The following KIAA1549 variants were observed in gnomAD, a reference collection of about 807,000 sequenced individuals.
The protein encoded by KIAA1549 is UPF0606 protein KIAA1549.
A neutral mutation model predicts 156.4 loss-of-function variants in KIAA1549; 70 were observed. The ratio of observed to expected loss-of-function variants is 0.45; its 90% CI spans 0.37 to 0.55. KIAA1549 has a LOEUF of 0.55. Ranked by LOEUF, KIAA1549 falls within the 20% of genes least tolerant of loss-of-function variation. The pLI is 0.00. For missense variants in KIAA1549, 2,428 were observed against 2,540.9 expected, an observed-to-expected ratio of 0.96 and a Z score of 0.96; for synonymous variants, 1,103 against 1,066.4, an observed-to-expected ratio of 1.03 and a Z score of -0.67.
At chr7:138,922,721 C>G (rs1186647562) in intron 1 of KIAA1549, among the ~76,000 whole-genome samples, 1 of 151,256 alleles carries the variant, frequency 6.6e-6, no homozygotes, top group Non-Finnish European at 1.5e-5. Context: ...GAAGAAATTA[C>G]TCAGAAAAGG....
chr7:138,861,571 G>C, intron 15 of KIAA1549, 115 bp from the exon 16 acceptor site: 2 of 901,624 alleles, frequency 2.2e-6, no homozygotes, highest in Non-Finnish European at 1.7e-6. Context: ...TGACAGTTGA[G>C]GCTGTGCACA....
At position 138,840,119 on chromosome 7, in the gene KIAA1549, C is replaced by A; in HGVS notation, c.5598+14G>T. ...TCTAAATTTTAAATGATGACCCAAACAGGAGATACTCACGGCCTCTCTTCG... is the reference window on the plus strand; with the variant it reads ...TCTAAATTTTAAATGATGACCCAAAAAGGAGATACTCACGGCCTCTCTTCG... On this transcript the variant is annotated intron_variant, in intron 19 of 19. Coordinates refer to ENST00000422774, the MANE Select transcript of KIAA1549 (RefSeq NM_001164665.2). The A allele has an allele frequency of 1.3e-6, 2 of 1,548,444 alleles. No individual in the cohort carries two copies. The highest frequency in any genetic ancestry group is 2.4e-5 in the South Asian group (2 of 83,386).
chr7:138,928,238 T>C (rs1198429476), intron 1 of KIAA1549, among the ~76,000 whole-genome samples: 1 of 151,890 alleles, frequency 6.6e-6, no homozygotes, highest in Non-Finnish European at 1.5e-5. Flanking sequence ...GTCTTTTCAA[T>C]CCTACTGCCC....
chr7:138,841,060 T>C (rs1809901825), intron 18 of KIAA1549, among the ~76,000 whole-genome samples: 1 of 152,132 alleles, frequency 6.6e-6, no homozygotes, highest in Admixed American at 6.5e-5. Flanking sequence ...GGCTAGACAT[T>C]AGGACTGGGG....
In KIAA1549 at chr7:138,889,782, C is replaced by T. The variant is rs529579148; in HGVS notation, c.4032+4560G>A. Among the ~76,000 whole-genome samples the T allele has an allele frequency of 1.1e-4, 17 of 151,672 alleles. No homozygotes were observed. The South Asian group carries it at 2.1e-3, about 19-fold the overall frequency. On this transcript the variant is annotated intron_variant, in intron 10 of 19. Transcript: ENST00000422774. The stretch of plus-strand genomic sequence containing the variant: ...ATAGAAATTTGGCAACCAGTCTGTG[C>T]GTATTATGCACAAAACAAAAGCCAT...
intron 1 of KIAA1549, among the ~76,000 whole-genome samples, chr7:138,973,658 TTTTTG>T (rs1209316841): frequency 1.3e-5 from 2 of 152,232 alleles, no homozygotes; most frequent in African/African-American, 4.8e-5. Context: ...ACAAGCTTTT[TTTTTG>T]TTTTAAGTTC....
chr7:138,872,379 T>C (rs528824892), intron 12 of KIAA1549, among the ~76,000 whole-genome samples: 288 of 148,454 alleles, frequency 1.9e-3, no homozygotes, highest in Non-Finnish European at 3.6e-3. Context: ...AAAAAAGAAA[T>C]TCAAATGCAC....
chr7:138,884,068 A>T (rs888300782), intron 10 of KIAA1549, among the ~76,000 whole-genome samples: 5 of 152,184 alleles, frequency 3.3e-5, no homozygotes, highest in African/African-American at 4.8e-5. Flanking sequence ...CTGAAGGTTA[A>T]GTTGATCACC....
rs1329946443 is a variant in KIAA1549, at chr7:138,837,930, GCT to G, written c.5827_5828del (p.Ser1943HisfsTer75). ...EELLRLSQKQ[S>X]TVQNFHS Reference sequence around the variant, plus strand: ...ATCAGCTGTGGAAGTTCTGCACGGTGCTCTGTTTCTGGGAGAGCCGGAGGAGC... The same window carrying G: ...ATCAGCTGTGGAAGTTCTGCACGGTGCTGTTTCTGGGAGAGCCGGAGGAGC... On this transcript the variant is annotated frameshift_variant, in exon 20 of 20. Coordinates refer to ENST00000422774, the MANE Select transcript of KIAA1549 (RefSeq NM_001164665.2). LOFTEE classifies it high-confidence loss of function. The G allele has an allele frequency of 6.2e-7, 1 of 1,613,830 alleles. No individual in the cohort carries two copies.
rs750323376 is a variant in KIAA1549 at position 138,861,291 on chromosome 7, C to T, written c.5095G>A (p.Ala1699Thr). Residue 1699 changes from alanine (A) to threonine (T), a missense_variant, in exon 16 of 20, where the codon GCC becomes ACC. By Grantham distance (58) the Ala-to-Thr change is moderately conservative. Coordinates refer to ENST00000422774, the MANE Select transcript of KIAA1549 (RefSeq NM_001164665.2). ...SLLDDAFALV[A>T]PSSQPASTAG... ...GTGCTGGCAGGCTGGCTGCTGGGGG[C>T]CACGAGGGCAAAGGCGTCGTCCAGG... 1.9e-6 allele frequency: 3 copies of T among 1,608,052 alleles called. No individual in the cohort carries two copies. The highest frequency in any genetic ancestry group is 3.4e-5 in the Admixed American group (2 of 58,164).
rs80222245 is a variant in KIAA1549, at chr7:138,918,695, G to C, written c.931C>G (p.Pro311Ala). 2 of 1,613,706 alleles carry C rather than the reference G, an allele frequency of 1.2e-6. No homozygotes were observed. Among genetic ancestry groups the C allele is most frequent in the Admixed American group, 1.7e-5 (1 of 60,002 alleles). Residue 311 changes from proline to alanine, a missense_variant, in exon 2 of 20, where the codon CCA becomes GCA. Coordinates refer to ENST00000422774, the MANE Select transcript of KIAA1549 (RefSeq NM_001164665.2). This position sits in a 1 kb window ranked among gnomAD's most constrained non-coding sequence, Gnocchi z 4.2. ...GCACTTGTGGCCCAAACCTCCTCTG[G>C]AGGCTGTGAGACCTCCCCCAAGGAG... ...LPSLGEVSQP[P>A]EEVWATSADR...
rs896482540 is a variant in KIAA1549, at chr7:138,833,216, CCT to C, written c.*4688_*4689del. 4 of 232,630 alleles carry C rather than the reference CCT, an allele frequency of 1.7e-5. No homozygotes were observed. Among genetic ancestry groups the C allele is most frequent in the Admixed American group, 1.7e-4 (3 of 17,744 alleles). The allele number at this position is 232,630 out of a possible 1,614,324, so 14.4% of individuals were successfully genotyped here. A position where few individuals can be genotyped will look rare whatever the true frequency, so the allele number is the denominator to read the frequency against. On this transcript the variant is annotated 3_prime_UTR_variant, in exon 20 of 20. Coordinates refer to ENST00000422774, the MANE Select transcript of KIAA1549 (RefSeq NM_001164665.2). The stretch of plus-strand genomic sequence containing the variant: ...GAGTTAAGACCGGAGTCCTCCTTCC[CCT>C]GTGCCCAAAACGTTACCCAGCTTTC...
intron 1 of KIAA1549, among the ~76,000 whole-genome samples, chr7:138,953,154 G>A (rs199634993): frequency 1.3e-5 from 2 of 152,262 alleles, no homozygotes; most frequent in East Asian, 1.9e-4. Flanking sequence ...CCAGAAGTTC[G>A]AGACCAGCCT....
chr7:138,890,218 T>C (rs1481087675), intron 10 of KIAA1549, among the ~76,000 whole-genome samples: 1 of 152,132 alleles, frequency 6.6e-6, no homozygotes, highest in African/African-American at 2.4e-5. Context: ...AGACGCCTGA[T>C]GAATGTGAAC....
At chr7:138,915,948 C>G (rs1218557214) in intron 2 of KIAA1549, among the ~76,000 whole-genome samples, 1 of 152,262 alleles carries the variant, frequency 6.6e-6, no homozygotes, top group Non-Finnish European at 1.5e-5. Flanking sequence ...TGGGCACCAG[C>G]TTCACGCGGC....
At position 138,919,038 on chromosome 7, in the gene KIAA1549, T is replaced by C. The variant is rs1257935973; in HGVS notation, c.588A>G (p.Pro196=). The C allele has an allele frequency of 4.3e-6, 7 of 1,613,892 alleles. No homozygotes were observed. Among genetic ancestry groups the C allele is most frequent in the East Asian group, 2.2e-5 (1 of 44,894 alleles). Residue 196 remains proline, a synonymous_variant, in exon 2 of 20, where the codon CCA becomes CCG. Coordinates refer to ENST00000422774, the MANE Select transcript of KIAA1549 (RefSeq NM_001164665.2). ...PREALEPMLT[P]SLPMVSLQDE... is the part of the protein sequence containing the mutation. The stretch of plus-strand genomic sequence containing the variant: ...CTTGTAAAGAAACCATGGGTAATGA[T>C]GGAGTGAGCATAGGTTCTAATGCTT...
chr7:138,919,015 T>C lies in KIAA1549; in HGVS notation c.611A>G (p.Gln204Arg), dbSNP rs1315365898. The change falls in exon 2 of 20, where the codon CAA (glutamine) becomes CGA (arginine). Residue 204 changes from glutamine to arginine, a missense_variant. Coordinates refer to ENST00000422774, the MANE Select transcript of KIAA1549 (RefSeq NM_001164665.2). ...LTPSLPMVSL[Q>R]DEEVTSGWQN... ...CCAGCCCGATGTCACTTCTTCATCT[T>C]GTAAAGAAACCATGGGTAATGATGG... 2 of 1,614,024 alleles carry C rather than the reference T, an allele frequency of 1.2e-6. No individual in the cohort carries two copies. Among genetic ancestry groups the C allele is most frequent in the South Asian group, 1.1e-5 (1 of 91,082 alleles).
chr7:138,892,542 T>C (rs1018999481), intron 10 of KIAA1549, among the ~76,000 whole-genome samples: 27 of 152,158 alleles, frequency 1.8e-4, no homozygotes, highest in Non-Finnish European at 3.8e-4. Flanking sequence ...TTCACCAGTA[T>C]AACAAGAACA....
chr7:138,981,256 CGCGCCCCCGGCATTCCCGGCCG>C lies in KIAA1549; in HGVS notation c.-9_13del. On this transcript the variant is annotated start_lost and 5_prime_UTR_variant, in exon 1 of 20. Transcript: ENST00000422774. This position sits in a 1 kb window ranked among gnomAD's most constrained non-coding sequence, Gnocchi z 4.5. Reference sequence around the variant, plus strand: ...CATGGCCGCGCCTCGGCGTCGGCGCCGCGCCCCCGGCATTCCCGGCCGGCGCCCCGGCCCGGCCTCGCGGCTC... The same window carrying C: ...CATGGCCGCGCCTCGGCGTCGGCGCCGCGCCCCGGCCCGGCCTCGCGGCTC... 2 of 981,418 alleles carry C rather than the reference CGCGCCCCCGGCATTCCCGGCCG, an allele frequency of 2.0e-6. No homozygotes were observed. Among genetic ancestry groups the C allele is most frequent in the East Asian group, 1.1e-4 (1 of 8,744 alleles). 60.8% of individuals were successfully genotyped at this position (981,418 alleles called of 1,614,324 possible).
Sources: allele counts gnomAD v4.1 joint callset (sites outside exome capture counted in the v4.1 genomes callset), GRCh38; gene constraint gnomAD v4.1.1; non-coding constraint Gnocchi (gnomAD v3.1); transcripts MANE v1.5; gene names NCBI Gene and HGNC (gene_info 2026-07-23, HGNC 2026-07-21).